MRC2: variants seen among roughly 807,000 people sequenced by gnomAD.
MRC2 encodes mannose receptor C-type 2.
MRC2 carries 84 observed loss-of-function variants against 206.2 expected under a neutral mutation model. The observed-to-expected ratio is 0.41, with a 90% CI of 0.34 to 0.49. The LOEUF is 0.49. MRC2 is among the 20% of genes least tolerant of loss of function. MRC2 has a pLI of 0.31. For synonymous variants in MRC2, 798 were observed against 800.0 expected (o/e 1.00, Z 0.04); for missense variants, 1,676 against 2,001.5 (o/e 0.84, Z 3.10).
chr17:62,681,889 C>T lies in MRC2; in HGVS notation c.2755C>T (p.Arg919Trp), dbSNP rs201964470. 79 of 1,613,980 alleles carry T rather than the reference C, an allele frequency of 4.9e-5. No individual in the cohort carries two copies. The highest frequency in any genetic ancestry group is 6.7e-5 in the East Asian group (3 of 44,888). ...NFISWAPGKP[R>W]PVGKDKKCVY... ...CATCTCCTGGGCACCAGGCAAACCT[C>T]GGCCTGTCGGCAAGGACAAGAAGTG... is the stretch of plus-strand genomic sequence containing the variant. The change falls in exon 19 of 30, where the codon CGG becomes TGG. Residue 919 changes from arginine to tryptophan, a missense_variant. Transcript: ENST00000303375.
chr17:62,639,507 G>A (rs6504116), intron 1 of MRC2, among the ~76,000 whole-genome samples: 95,997 of 152,140 alleles, frequency 0.63, 30,428 homozygotes, highest in East Asian at 0.81. Flanking sequence ...TGTTTTTCAG[G>A]ATTCAATCTT....
intron 28 of MRC2, 50 bp downstream of exon 28, chr17:62,691,178 G>C (rs2089107639): frequency 6.5e-7 from 1 of 1,536,270 alleles, no homozygotes; most frequent in Admixed American, 2.3e-5. Flanking sequence ...CCGTGCCGCT[G>C]GTCCTGGGCT....
rs370025618 is a variant in MRC2 at position 62,689,526 on chromosome 17, C to T, written c.3339C>T (p.Pro1113=). 1.5e-4 allele frequency: 242 copies of T among 1,567,458 alleles called. 3 individuals carry two copies. In the East Asian group the frequency reaches 5.1e-3, roughly 33 times the overall value. ...HGFICQKGTD[P]SLSPSPAALP... The stretch of plus-strand genomic sequence containing the variant: ...ACCCTGACCCCTTCCCTGTAGACCC[C>T]TCCCTGAGCCCGTCCCCAGCAGCGC... Residue 1113 remains proline (P), a synonymous_variant, in exon 24 of 30, where the codon CCC becomes CCT. Transcript: ENST00000303375.
At chr17:62,691,352 C>A (rs2089109773) in intron 28 of MRC2, among the ~76,000 whole-genome samples, 1 of 152,194 alleles carries the variant, frequency 6.6e-6, no homozygotes, top group Non-Finnish European at 1.5e-5. Context: ...GGGTCAGCAA[C>A]CCCCTGTCAC....
chr17:62,676,934 T>C (rs964910016), intron 11 of MRC2, among the ~76,000 whole-genome samples: 1 of 152,274 alleles, frequency 6.6e-6, no homozygotes, highest in Non-Finnish European at 1.5e-5. Flanking sequence ...GTGTTCAGAA[T>C]ACTGAGCGCA....
In MRC2 at chr17:62,686,696, T is replaced by C. The variant is rs2089036832; in HGVS notation, c.2947-1593T>C. Among the ~76,000 whole-genome samples, 3 of 152,318 alleles carry C rather than the reference T, an allele frequency of 2.0e-5. No homozygotes were observed. In the South Asian group the frequency reaches 6.2e-4, roughly 32 times the overall value. ...TGGCAGGGATGCCCTCAGTGTCGGC[T>C]GGACTGAGCTGAATACCCTCCCCCT... On this transcript the variant is annotated intron_variant, in intron 20 of 29. Coordinates refer to ENST00000303375, the MANE Select transcript of MRC2 (RefSeq NM_006039.5).
intron 28 of MRC2, among the ~76,000 whole-genome samples, chr17:62,691,705 A>G (rs2089113562): frequency 7.1e-6 from 1 of 141,646 alleles, no homozygotes. Context: ...GTGGAGGTGG[A>G]GGCTGCAGTG....
intron 1 of MRC2, among the ~76,000 whole-genome samples, chr17:62,641,822 A>G (rs949089101): frequency 5.3e-5 from 8 of 152,122 alleles, no homozygotes; most frequent in Admixed American, 2.0e-4. Flanking sequence ...AAAATAATAC[A>G]GTGGGCACCC....
At chr17:62,681,382 A>G (rs2088964692) in intron 18 of MRC2, 1 of 565,836 alleles carries the variant, frequency 1.8e-6, no homozygotes, top group Non-Finnish European at 3.1e-6. Flanking sequence ...CACATTAGTT[A>G]CTAAATAATG....
rs766614903 is a variant in MRC2 at position 62,671,864 on chromosome 17, G to A, written c.1306+27G>A. The A allele has an allele frequency of 6.9e-6, 11 of 1,586,840 alleles. No homozygotes were observed. Among genetic ancestry groups the A allele is most frequent in the Admixed American group, 1.7e-5 (1 of 58,866 alleles). Reference sequence around the variant, plus strand: ...TGAGGAGCTGCCCGCCCACGTGTCTGGGTGGAGGGCAGGGCCTCCCACTGC... The same window carrying A: ...TGAGGAGCTGCCCGCCCACGTGTCTAGGTGGAGGGCAGGGCCTCCCACTGC... On this transcript the variant is annotated intron_variant, in intron 7 of 29. Coordinates refer to ENST00000303375, the MANE Select transcript of MRC2 (RefSeq NM_006039.5). This position sits in a 1 kb window ranked among gnomAD's most constrained non-coding sequence, Gnocchi z 4.5.
intron 1 of MRC2, among the ~76,000 whole-genome samples, chr17:62,655,081 C>T (rs191135535): frequency 2.0e-4 from 31 of 151,914 alleles, no homozygotes; most frequent in African/African-American, 6.8e-4. Context: ...GTCAGGAGAT[C>T]GAGACCATCC....
intron 20 of MRC2, among the ~76,000 whole-genome samples, chr17:62,687,716 T>C (rs551490118): frequency 1.3e-5 from 2 of 152,206 alleles, no homozygotes; most frequent in East Asian, 3.9e-4. Flanking sequence ...ACCCCGTCTC[T>C]ACTAAAAATA....
intron 1 of MRC2, among the ~76,000 whole-genome samples, chr17:62,645,722 T>C (rs979922630): frequency 1.3e-5 from 2 of 150,918 alleles, no homozygotes; most frequent in African/African-American, 4.9e-5. Context: ...GTATTTTATG[T>C]AGAGATGGGT....
intron 1 of MRC2, among the ~76,000 whole-genome samples, chr17:62,648,610 C>T (rs2088519277): frequency 6.6e-6 from 1 of 152,232 alleles, no homozygotes; most frequent in Admixed American, 6.5e-5. Context: ...CCCTCCTCTT[C>T]TCCTTGCATC....
At chr17:62,643,070 G>A (rs1197888968) in intron 1 of MRC2, among the ~76,000 whole-genome samples, 1 of 152,142 alleles carries the variant, frequency 6.6e-6, no homozygotes, top group Non-Finnish European at 1.5e-5. Flanking sequence ...GCTCTCGCCT[G>A]TAATCCCAGC....
At chr17:62,677,093 G>C (rs142282204) in intron 11 of MRC2, among the ~76,000 whole-genome samples, 176 bp from the exon 12 acceptor site, 1,759 of 152,314 alleles carry the variant, frequency 0.012, 16 homozygotes, top group Non-Finnish European at 0.016. Flanking sequence ...CCAGAGCCAG[G>C]GCTCTGCCTC....
Position 62,692,054 on chromosome 17 carries a change from A to C in MRC2, c.4193-58A>C. On this transcript the variant is annotated intron_variant, in intron 28 of 29. Transcript: ENST00000303375. This position sits in a 1 kb window ranked among gnomAD's most constrained non-coding sequence, Gnocchi z 4.2. ...GCCTGTGTGCTTTGTATGTTTACTT[A>C]AGTGATTATTACGATGATCACTGCT... is the stretch of plus-strand genomic sequence containing the variant. 1.9e-6 allele frequency: 3 copies of C among 1,607,996 alleles called. No homozygotes were observed. The highest frequency in any genetic ancestry group is 2.6e-6 in the Non-Finnish European group (3 of 1,174,600).
At chr17:62,628,013 TC>T (rs1443105002) in intron 1 of MRC2, 93 bp downstream of exon 1, 1 of 823,622 alleles carries the variant, frequency 1.2e-6, no homozygotes, top group Non-Finnish European at 1.7e-6. Context: ...TTTTCCCCCC[TC>T]TTTTCTCCAG....
At position 62,689,791 on chromosome 17, in the gene MRC2, C is replaced by A. The variant is rs1401753272; in HGVS notation, c.3573+31C>A. ...CTCCCGACACTTTTGCCCTGGGCCC[C>A]AGCCTTGCCCGGGTTCCCCTCCCTG... On this transcript the variant is annotated intron_variant, in intron 24 of 29. Coordinates refer to ENST00000303375, the MANE Select transcript of MRC2 (RefSeq NM_006039.5). The A allele has an allele frequency of 3.3e-6, 5 of 1,529,198 alleles. No individual in the cohort carries two copies. In the African/African-American group the frequency reaches 4.1e-5, roughly 13 times the overall value. 94.7% of individuals were successfully genotyped at this position (1,529,198 alleles called of 1,614,324 possible). A position where few individuals can be genotyped will look rare whatever the true frequency, so the allele number is the denominator to read the frequency against.
Sources: allele counts gnomAD v4.1 joint callset (sites outside exome capture counted in the v4.1 genomes callset), GRCh38; gene constraint gnomAD v4.1.1; non-coding constraint Gnocchi (gnomAD v3.1); transcripts MANE v1.5; gene names NCBI Gene and HGNC (gene_info 2026-07-23, HGNC 2026-07-21).